THSD4: variants seen among roughly 807,000 people sequenced by gnomAD.
THSD4 encodes the protein thrombospondin type 1 domain containing 4, also known as thrombospondin type-1 domain-containing protein 4.
THSD4 carries 69 observed loss-of-function variants against 119.0 expected under a neutral mutation model. The ratio of observed to expected loss-of-function variants is 0.58; its 90% confidence interval spans 0.48 to 0.71. THSD4 has a LOEUF of 0.71. Among genes scored for constraint, THSD4 ranks in the 30% least tolerant of loss-of-function variants. The probability of loss-of-function intolerance (pLI) is 0.00; values close to 1 mark genes in which losing one functional copy is unlikely to be tolerated. For missense variants in THSD4, 1,393 were observed against 1,391.1 expected (o/e 1.00, Z -0.02); for synonymous variants, 524 against 540.4 (o/e 0.97, Z 0.42).
In THSD4 at chr15:71,329,575, G is replaced by A. The variant is rs115118720; in HGVS notation, c.1015+72860G>A. ...TGAGTGGAAAGGAGAGGACGGAGTC[G>A]ATGTTGTCCCCTGTGAGATGTCATG... On this transcript the variant is annotated intron_variant, in intron 6 of 17. Coordinates refer to ENST00000261862, the MANE Select transcript of THSD4 (RefSeq NM_024817.3). Among the ~76,000 whole-genome samples, 1,470 of 152,290 alleles carry A rather than the reference G, an allele frequency of 9.7e-3. 30 individuals carry two copies. The highest frequency in any genetic ancestry group is 0.034 in the African/African-American group (1,404 of 41,552).
At chr15:71,721,330 A>C (rs889161971) in intron 8 of THSD4, among the ~76,000 whole-genome samples, 2 of 152,158 alleles carry the variant, frequency 1.3e-5, no homozygotes, top group African/African-American at 4.8e-5. Flanking sequence ...AACATGGTGA[A>C]ACCCTGTTTC....
chr15:71,436,823 G>A (rs1396789660), intron 7 of THSD4, among the ~76,000 whole-genome samples: 1 of 152,192 alleles, frequency 6.6e-6, no homozygotes, highest in Non-Finnish European at 1.5e-5. Context: ...CAATTTGAGG[G>A]ATAGTAACAT....
intron 7 of THSD4, among the ~76,000 whole-genome samples, chr15:71,602,220 A>G (rs1239227890): frequency 1.3e-5 from 2 of 152,184 alleles, no homozygotes; most frequent in African/African-American, 4.8e-5. Context: ...GCAACTTATT[A>G]TAGTCCTCTT....
intron 7 of THSD4, among the ~76,000 whole-genome samples, chr15:71,619,772 G>A (rs2050388426): frequency 6.6e-6 from 1 of 152,192 alleles, no homozygotes; most frequent in Admixed American, 6.5e-5. Flanking sequence ...TTGGTAGGTG[G>A]AAATAAATGC....
chr15:71,536,851 A>G (rs962784197), intron 7 of THSD4, among the ~76,000 whole-genome samples: 1 of 152,114 alleles, frequency 6.6e-6, no homozygotes, highest in Non-Finnish European at 1.5e-5. Context: ...TTGCGTGTAG[A>G]TATCCACTTA....
At chr15:71,587,101 A>T (rs943451088) in intron 7 of THSD4, among the ~76,000 whole-genome samples, 1 of 150,598 alleles carries the variant, frequency 6.6e-6, no homozygotes, top group East Asian at 2.0e-4. Context: ...TAGAATGGCA[A>T]TCATTAAAAA....
rs531373991 is a variant in THSD4, at chr15:71,630,512, A to G, written c.1153-30018A>G. ...TTAAAGAGGTGTGAGTGCTCTGAGC[A>G]TGACTGTGCAATAGAATACAAAGCA... On this transcript the variant is annotated intron_variant, in intron 7 of 17. Transcript: ENST00000261862. Among the ~76,000 whole-genome samples the G allele has an allele frequency of 1.8e-4, 27 of 152,358 alleles. No homozygotes were observed. The Middle Eastern group carries it at 0.01, about 58-fold the overall frequency.
At chr15:71,158,148 C>CTTTTTTTTT (rs1193131967) in intron 3 of THSD4, among the ~76,000 whole-genome samples, 2 of 85,034 alleles carry the variant, frequency 2.4e-5, no homozygotes, top group Non-Finnish European at 4.4e-5. Flanking sequence ...CAACACTTAT[C>CTTTTTTTTT]TTTTTTTTTT....
At chr15:71,174,931 T>G (rs1237111783) in intron 3 of THSD4, among the ~76,000 whole-genome samples, 1 of 151,378 alleles carries the variant, frequency 6.6e-6, no homozygotes, top group Non-Finnish European at 1.5e-5. Flanking sequence ...AGGGTCCTGT[T>G]TGTTAGAAGG....
chr15:71,374,142 G>T (rs1158052811), intron 6 of THSD4, among the ~76,000 whole-genome samples: 1 of 152,232 alleles, frequency 6.6e-6, no homozygotes, highest in African/African-American at 2.4e-5. Context: ...CATGTTTCTA[G>T]TGCTCAGTAC....
At chr15:71,552,688 C>T (rs1218722550) in intron 7 of THSD4, among the ~76,000 whole-genome samples, 2 of 152,164 alleles carry the variant, frequency 1.3e-5, no homozygotes, top group Non-Finnish European at 2.9e-5. Flanking sequence ...ACCCTGTCAC[C>T]CAGGTTGGAG....
intron 7 of THSD4, among the ~76,000 whole-genome samples, chr15:71,562,562 G>A (rs932186134): frequency 1.3e-5 from 2 of 151,956 alleles, no homozygotes; most frequent in Non-Finnish European, 2.9e-5. Context: ...TCTTGCTCCT[G>A]GAAGTGTAGC....
At position 71,592,313 on chromosome 15, in the gene THSD4, G is replaced by A. The variant is rs569302775; in HGVS notation, c.1153-68217G>A. ...TCCACCAGCAGTGAAGCCCATGATG[G>A]GCAGGAGCTGCAGGACGCAGTGGCA... On this transcript the variant is annotated intron_variant, in intron 7 of 17. Transcript: ENST00000261862. 2.0e-5 allele frequency among the ~76,000 whole-genome samples: 3 copies of A among 152,288 alleles called. No individual in the cohort carries two copies. The South Asian group carries it at 6.2e-4, about 32-fold the overall frequency.
At chr15:71,620,837 G>C (rs1194375038) in intron 7 of THSD4, among the ~76,000 whole-genome samples, 4 of 152,066 alleles carry the variant, frequency 2.6e-5, no homozygotes, top group Non-Finnish European at 4.4e-5. Flanking sequence ...CTCTCAGGTG[G>C]GGTAGAGGGT....
At chr15:71,157,439 A>G (rs1449700126) in intron 3 of THSD4, among the ~76,000 whole-genome samples, 1 of 151,326 alleles carries the variant, frequency 6.6e-6, no homozygotes, top group Non-Finnish European at 1.5e-5. Context: ...TCATGCATTT[A>G]TCATTTTTTT....
chr15:71,528,561 T>C (rs1482391469), intron 7 of THSD4, among the ~76,000 whole-genome samples: 4 of 152,218 alleles, frequency 2.6e-5, no homozygotes, highest in African/African-American at 7.2e-5. Context: ...CCCCCGTGGT[T>C]ATTAAAATTA....
At chr15:71,640,980 GACACACACAC>G (rs10551548) in intron 7 of THSD4, among the ~76,000 whole-genome samples, 101 of 146,720 alleles carry the variant, frequency 6.9e-4, no homozygotes, top group African/African-American at 2.5e-3. Context: ...CCCACCTACA[GACACACACAC>G]ACACACACAC....
At chr15:71,638,536 A>G (rs1002311958) in intron 7 of THSD4, among the ~76,000 whole-genome samples, 11 of 152,240 alleles carry the variant, frequency 7.2e-5, no homozygotes, top group South Asian at 4.1e-4. Flanking sequence ...TGTCTTTTCT[A>G]TATAACAGAG....
chr15:71,339,755 C>T (rs968190353), intron 6 of THSD4, among the ~76,000 whole-genome samples: 1 of 151,954 alleles, frequency 6.6e-6, no homozygotes, highest in Admixed American at 6.6e-5. Flanking sequence ...CAGATAAGTG[C>T]TCAGTAAGTT....
Sources: allele counts gnomAD v4.1 joint callset (sites outside exome capture counted in the v4.1 genomes callset), GRCh38; gene constraint gnomAD v4.1.1; transcripts MANE v1.5; gene names NCBI Gene and HGNC (gene_info 2026-07-23, HGNC 2026-07-21).